The following CNTN1 variants were observed in gnomAD, a reference collection of about 807,000 sequenced individuals.
The protein encoded by CNTN1 is contactin-1.
In CNTN1, 38 loss-of-function variants were observed where a neutral mutation model predicts 126.4. The observed-to-expected ratio is 0.30, with a 90% CI of 0.23 to 0.39. The LOEUF (loss-of-function observed/expected upper bound fraction) is 0.39. Ranked by LOEUF, CNTN1 falls within the 10% of genes least tolerant of loss-of-function variation. CNTN1 has a pLI of 1.00. For missense variants in CNTN1, 1,009 were observed against 1,248.4 expected, an observed-to-expected ratio of 0.81 and a Z score of 2.89; for synonymous variants, 413 against 422.6, an observed-to-expected ratio of 0.98 and a Z score of 0.28.
Position 40,830,367 on chromosome 12 carries a change from T to C in CNTN1, c.-76-77990T>C, listed in dbSNP as rs542689445. 3.3e-5 allele frequency among the ~76,000 whole-genome samples: 5 copies of C among 152,118 alleles called. No individual in the cohort carries two copies. The South Asian group carries it at 6.2e-4, about 19-fold the overall frequency. Reference sequence around the variant, plus strand: ...AAATGAGTTTAGATAGTGATTATTATGGCAACATATAATCGTATTAGATAT... The same window carrying C: ...AAATGAGTTTAGATAGTGATTATTACGGCAACATATAATCGTATTAGATAT... On this transcript the variant is annotated intron_variant, in intron 1 of 23. Transcript: ENST00000551295.
intron 16 of CNTN1, among the ~76,000 whole-genome samples, chr12:40,988,465 TCTGGC>T (rs1185056268): frequency 6.6e-6 from 1 of 152,138 alleles, no homozygotes; most frequent in Non-Finnish European, 1.5e-5. Context: ...CTGAAGTCAT[TCTGGC>T]TGTTTCCAAA....
rs534615005 is a variant in CNTN1 at position 41,014,490 on chromosome 12, T to C, written c.2184+192T>C. Among the ~76,000 whole-genome samples, 20 of 152,330 alleles carry C rather than the reference T, an allele frequency of 1.3e-4. 1 individual carries two copies. The South Asian group carries it at 3.9e-3, about 30-fold the overall frequency. ...ACTGTGGCTTAGTGTGTAGCTCCTA[T>C]GCAAGAATGAATCCTGGATGCTAAG... On this transcript the variant is annotated intron_variant, in intron 18 of 23. Coordinates refer to ENST00000551295, the MANE Select transcript of CNTN1 (RefSeq NM_001843.4).
chr12:40,902,062 T>C (rs892163502), intron 1 of CNTN1, among the ~76,000 whole-genome samples: 8 of 152,228 alleles, frequency 5.3e-5, no homozygotes, highest in African/African-American at 1.9e-4. Flanking sequence ...ACTTTGTATT[T>C]CATTGTATAG....
intron 16 of CNTN1, among the ~76,000 whole-genome samples, chr12:40,989,504 G>A (rs1033907256): frequency 2.0e-5 from 3 of 152,042 alleles, no homozygotes; most frequent in African/African-American, 7.2e-5. Context: ...TAGAGTCATG[G>A]AGTGATGGAT....
chr12:40,955,255 G>C (rs1437357334), intron 14 of CNTN1, among the ~76,000 whole-genome samples: 1 of 151,990 alleles, frequency 6.6e-6, no homozygotes, highest in East Asian at 1.9e-4. Flanking sequence ...AGATATTATA[G>C]AGATTACCTT....
chr12:40,876,484 G>A (rs2066105347), intron 1 of CNTN1, among the ~76,000 whole-genome samples: 1 of 151,828 alleles, frequency 6.6e-6, no homozygotes, highest in South Asian at 2.1e-4. Context: ...ACATCCTAGA[G>A]GCATGTTTCT....
chr12:40,939,433 A>C lies in CNTN1; in HGVS notation c.1327A>C (p.Lys443Gln). 6.2e-7 allele frequency: 1 copy of C among 1,613,986 alleles called. No individual in the cohort carries two copies. Among genetic ancestry groups the C allele is most frequent in the Non-Finnish European group, 8.5e-7 (1 of 1,179,964 alleles). The part of the protein sequence containing the change: ...IIECKPKAAP[K>Q]PKFSWSKGTE... The stretch of plus-strand genomic sequence containing the variant: ...TGAATGCAAACCTAAAGCTGCACCG[A>C]AACCAAAGTTTTCATGGAGTAAAGG... Residue 443 changes from lysine to glutamine, a missense_variant, in exon 12 of 24, where the codon AAA (lysine) becomes CAA (glutamine). Lys to Gln is a moderately conservative substitution (Grantham distance 53). Transcript: ENST00000551295.
intron 17 of CNTN1, among the ~76,000 whole-genome samples, chr12:41,012,971 A>T (rs1375161736): frequency 6.6e-6 from 1 of 152,110 alleles, no homozygotes; most frequent in East Asian, 1.9e-4. Flanking sequence ...TTAGGAGTGG[A>T]GATTTAATAG....
At chr12:40,796,942 G>T (rs7312640) in intron 1 of CNTN1, among the ~76,000 whole-genome samples, 143,348 of 152,158 alleles carry the variant, frequency 0.94, 68,104 homozygotes, top group East Asian at 1. Flanking sequence ...TAAGAATTCA[G>T]AGCCACAGGT....
At chr12:40,878,101 G>A (rs569647038) in intron 1 of CNTN1, among the ~76,000 whole-genome samples, 4 of 145,752 alleles carry the variant, frequency 2.7e-5, no homozygotes, top group Admixed American at 7.2e-5. Flanking sequence ...GGGTTGAAGC[G>A]ATTCTCCTGC....
intron 1 of CNTN1, among the ~76,000 whole-genome samples, chr12:40,855,529 A>G (rs1942875848): frequency 6.6e-6 from 1 of 152,044 alleles, no homozygotes; most frequent in Admixed American, 6.6e-5. Context: ...TAATTATCTA[A>G]TAATGCATTT....
chr12:40,811,077 T>C (rs1474935510), intron 1 of CNTN1, among the ~76,000 whole-genome samples: 2 of 152,220 alleles, frequency 1.3e-5, no homozygotes, highest in Non-Finnish European at 2.9e-5. Context: ...CGTTCATTCA[T>C]CAATGGACAC....
chr12:40,841,520 A>C (rs376585885), intron 1 of CNTN1, among the ~76,000 whole-genome samples: 1 of 152,072 alleles, frequency 6.6e-6, no homozygotes, highest in African/African-American at 2.4e-5. Context: ...TGGACACAAA[A>C]ATCTGCAACA....
chr12:40,785,381 G>T (rs983395673), intron 1 of CNTN1, among the ~76,000 whole-genome samples: 1 of 152,140 alleles, frequency 6.6e-6, no homozygotes, highest in African/African-American at 2.4e-5. Context: ...GGCAAGGAAG[G>T]GGGTGAGAGA....
chr12:40,976,814 C>T (rs1442191), intron 15 of CNTN1, among the ~76,000 whole-genome samples: 11,450 of 152,218 alleles, frequency 0.075, 675 homozygotes, highest in Admixed American at 0.18. Flanking sequence ...CGACCGTCCA[C>T]GTTTGTCTCC....
chr12:40,871,446 G>A (rs969889276), intron 1 of CNTN1, among the ~76,000 whole-genome samples: 4 of 152,064 alleles, frequency 2.6e-5, no homozygotes, highest in African/African-American at 9.7e-5. Context: ...TGGGAGGCCT[G>A]GACTACAGTA....
At chr12:40,736,786 C>G (rs1223601271) in intron 1 of CNTN1, among the ~76,000 whole-genome samples, 1 of 151,922 alleles carries the variant, frequency 6.6e-6, no homozygotes. Context: ...CAAAACAGAG[C>G]TAATAAATCA....
chr12:40,932,265 T>C lies in CNTN1; in HGVS notation c.704-1196T>C, dbSNP rs181905443. ...GGGGGCTGTCTCCCCCATACTGTTCTTGTGGTAGTGAATAAGTCTCATGAG... is the reference window on the plus strand; with the variant it reads ...GGGGGCTGTCTCCCCCATACTGTTCCTGTGGTAGTGAATAAGTCTCATGAG... On this transcript the variant is annotated intron_variant, in intron 7 of 23. Coordinates refer to ENST00000551295, the MANE Select transcript of CNTN1 (RefSeq NM_001843.4). Among the ~76,000 whole-genome samples the C allele has an allele frequency of 1.7e-3, 252 of 152,036 alleles. 3 individuals are homozygous for C. The highest frequency in any genetic ancestry group is 3.4e-3 in the Non-Finnish European group (229 of 67,920).
chr12:40,800,048 G>T (rs1237284302), intron 1 of CNTN1, among the ~76,000 whole-genome samples: 1 of 151,970 alleles, frequency 6.6e-6, no homozygotes, highest in African/African-American at 2.4e-5. Context: ...GATATAGTTT[G>T]GTTCTGTGTC....
Sources: allele counts gnomAD v4.1 joint callset (sites outside exome capture counted in the v4.1 genomes callset), GRCh38; gene constraint gnomAD v4.1.1; transcripts MANE v1.5; gene names NCBI Gene and HGNC (gene_info 2026-07-23, HGNC 2026-07-21).